The following SDK1 variants were observed in gnomAD, a reference collection of about 807,000 sequenced individuals.
SDK1 encodes the protein protein sidekick-1.
Under a neutral mutation model 245.5 loss-of-function variants are expected in SDK1, and 157 were observed. That is an observed-to-expected ratio of 0.64 (90% confidence interval 0.56 to 0.73). SDK1 has a LOEUF of 0.73. Ranked by LOEUF, SDK1 falls within the 30% of genes least tolerant of loss-of-function variation. The pLI is 0.00. For missense variants in SDK1, 3,583 were observed against 3,002.3 expected, an observed-to-expected ratio of 1.19 and a Z score of -4.52; for synonymous variants, 1,647 against 1,278.5, an observed-to-expected ratio of 1.29 and a Z score of -6.15.
intron 44 of SDK1, among the ~76,000 whole-genome samples, chr7:4,262,230 G>C (rs1788062784): frequency 6.6e-6 from 1 of 151,118 alleles, no homozygotes; most frequent in African/African-American, 2.4e-5. Flanking sequence ...GCAGAGACAG[G>C]TTTCACCGTG....
intron 4 of SDK1, among the ~76,000 whole-genome samples, chr7:3,790,231 A>C (rs1213545734): frequency 6.6e-6 from 1 of 152,154 alleles, no homozygotes; most frequent in Admixed American, 6.5e-5. Context: ...TCTCTGAAGA[A>C]ATGGAATGGG....
At position 3,606,844 on chromosome 7, in the gene SDK1, G is replaced by GA. The variant is rs5881994; in HGVS notation, c.299-12226dup. On this transcript the variant is annotated intron_variant, in intron 1 of 44. Coordinates refer to ENST00000404826, the MANE Select transcript of SDK1 (RefSeq NM_152744.4). ...GTTATTATTCTGTATGTGTCTTCCT[G>GA]AAAAAAAAAATCTGTGAAATCATAA... is the stretch of plus-strand genomic sequence containing the variant. Among the ~76,000 whole-genome samples the GA allele has an allele frequency of 3.6e-3, 532 of 148,356 alleles. 6 individuals are homozygous for GA. Among genetic ancestry groups the GA allele is most frequent in the African/African-American group, 0.012 (489 of 40,264 alleles).
intron 1 of SDK1, among the ~76,000 whole-genome samples, chr7:3,427,104 C>A (rs1407842878): frequency 2.6e-5 from 4 of 152,190 alleles, no homozygotes; most frequent in African/African-American, 9.7e-5. Flanking sequence ...ATCTTAATAA[C>A]AGTGGGAGCA....
chr7:3,528,263 T>C (rs1365906965), intron 1 of SDK1, among the ~76,000 whole-genome samples: 3 of 116,798 alleles, frequency 2.6e-5, no homozygotes, highest in South Asian at 5.7e-4. Context: ...AGGGGGTGAG[T>C]GGTAGGAGGT....
At chr7:3,710,615 C>T (rs926157325) in intron 4 of SDK1, among the ~76,000 whole-genome samples, 2 of 152,194 alleles carry the variant, frequency 1.3e-5, no homozygotes, top group African/African-American at 4.8e-5. Flanking sequence ...ACGGTGAAAT[C>T]TAAGGCAAAC....
At chr7:3,675,094 T>C (rs1431080972) in intron 4 of SDK1, among the ~76,000 whole-genome samples, 1 of 152,194 alleles carries the variant, frequency 6.6e-6, no homozygotes, top group Non-Finnish European at 1.5e-5. Context: ...TCTCCACGTG[T>C]GAATCTAACA....
chr7:3,901,116 G>T (rs1583533210), intron 5 of SDK1, among the ~76,000 whole-genome samples: 1 of 152,252 alleles, frequency 6.6e-6, no homozygotes, highest in Middle Eastern at 3.4e-3. Context: ...TTGTTTGGCA[G>T]AATGTCCTTC....
At chr7:3,857,327 G>A (rs976943806) in intron 5 of SDK1, among the ~76,000 whole-genome samples, 14 of 152,100 alleles carry the variant, frequency 9.2e-5, no homozygotes, top group African/African-American at 2.7e-4. Flanking sequence ...AAAGAAAAAG[G>A]TATAGATATT....
chr7:3,834,719 A>G (rs535580918), intron 5 of SDK1, among the ~76,000 whole-genome samples: 1 of 152,328 alleles, frequency 6.6e-6, no homozygotes, highest in Admixed American at 6.5e-5. Flanking sequence ...ATCACCCACT[A>G]GAACGTAAGT....
At chr7:3,633,896 C>T (rs1782377401) in intron 2 of SDK1, among the ~76,000 whole-genome samples, 1 of 152,028 alleles carries the variant, frequency 6.6e-6, no homozygotes, top group African/African-American at 2.4e-5. Context: ...CTGCTGGCCC[C>T]ACCAAATACT....
At chr7:3,357,310 T>C (rs1428817908) in intron 1 of SDK1, among the ~76,000 whole-genome samples, 1 of 147,006 alleles carries the variant, frequency 6.8e-6, no homozygotes, top group East Asian at 2.1e-4. Context: ...TTTTTACTCT[T>C]GCTCCCCTTC....
In SDK1 at chr7:4,009,622, C is replaced by G. The variant is rs1290197745; in HGVS notation, c.2132-1344C>G. On this transcript the variant is annotated intron_variant, in intron 14 of 44. Transcript: ENST00000404826. ...TGAAATGCCCAGCTGGTGGCGAAGACTGCGTTCCCAGAAAGCCATTTTTGG... is the reference window on the plus strand; with the variant it reads ...TGAAATGCCCAGCTGGTGGCGAAGAGTGCGTTCCCAGAAAGCCATTTTTGG... Among the ~76,000 whole-genome samples the G allele has an allele frequency of 2.6e-5, 4 of 152,246 alleles. No homozygotes were observed. In the East Asian group the frequency reaches 7.7e-4, roughly 29 times the overall value.
At chr7:3,779,225 G>C (rs1780652992) in intron 4 of SDK1, among the ~76,000 whole-genome samples, 1 of 152,190 alleles carries the variant, frequency 6.6e-6, no homozygotes, top group African/African-American at 2.4e-5. Flanking sequence ...TACAGAGCTG[G>C]AGTTGGCCAA....
chr7:3,487,340 A>T (rs1781731340), intron 1 of SDK1, among the ~76,000 whole-genome samples: 1 of 152,202 alleles, frequency 6.6e-6, no homozygotes, highest in Admixed American at 6.5e-5. Context: ...ATCACTATGG[A>T]AAATCCTTAT....
At chr7:3,919,735 G>T (rs138842697) in intron 5 of SDK1, among the ~76,000 whole-genome samples, 4 of 152,120 alleles carry the variant, frequency 2.6e-5, no homozygotes, top group Non-Finnish European at 4.4e-5. Context: ...TTGAAAGAAC[G>T]TATGGTTTTG....
chr7:3,956,730 C>T (rs990360893), intron 7 of SDK1, among the ~76,000 whole-genome samples: 2 of 152,192 alleles, frequency 1.3e-5, no homozygotes, highest in Non-Finnish European at 2.9e-5. Context: ...AGGTGGCATG[C>T]TGTGTGCCAA....
intron 2 of SDK1, among the ~76,000 whole-genome samples, chr7:3,619,563 A>T (rs552146253): frequency 6.6e-6 from 1 of 152,326 alleles, no homozygotes; most frequent in East Asian, 1.9e-4. Context: ...CAACAGCCCT[A>T]CCCACAAGTA....
At chr7:4,245,312 C>A (rs1445950426) in intron 43 of SDK1, among the ~76,000 whole-genome samples, 1 of 152,164 alleles carries the variant, frequency 6.6e-6, no homozygotes, top group Non-Finnish European at 1.5e-5. Flanking sequence ...CCTCATCTCT[C>A]TCCACTGCAC....
Position 3,784,123 on chromosome 7 carries a change from A to G in SDK1, c.714-37327A>G, listed in dbSNP as rs10275300. ...TTGGTTAGAGAAAGGGTCTCCCTAT[A>G]TTGCCCAGGCTAGTCTCAAACTCCT... is the stretch of plus-strand genomic sequence containing the variant. On this transcript the variant is annotated intron_variant, in intron 4 of 44. Transcript: ENST00000404826. Among the ~76,000 whole-genome samples the G allele has an allele frequency of 5.1e-3, 742 of 144,782 alleles. 7 individuals carry two copies. The highest frequency in any genetic ancestry group is 0.018 in the African/African-American group (717 of 39,020). The allele number at this position is 144,782 out of a possible 152,430, so 95.0% of individuals were successfully genotyped here.
Sources: allele counts gnomAD v4.1 joint callset (sites outside exome capture counted in the v4.1 genomes callset), GRCh38; gene constraint gnomAD v4.1.1; transcripts MANE v1.5; gene names NCBI Gene and HGNC (gene_info 2026-07-23, HGNC 2026-07-21).